B3GLCT: variants seen among roughly 807,000 people sequenced by gnomAD.
The protein encoded by B3GLCT is beta 3-glucosyltransferase.
Under a neutral mutation model 63.4 loss-of-function variants are expected in B3GLCT, and 65 were observed. The ratio of observed to expected loss-of-function variants is 1.03; its 90% CI spans 0.84 to 1.26. The LOEUF is 1.26. B3GLCT is among the 50% of genes most tolerant of loss of function. The pLI is 0.00. For synonymous variants in B3GLCT, 233 were observed against 219.2 expected, an observed-to-expected ratio of 1.06 and a Z score of -0.55; for missense variants, 577 against 604.8, an observed-to-expected ratio of 0.95 and a Z score of 0.48.
intron 12 of B3GLCT, among the ~76,000 whole-genome samples, chr13:31,293,344 C>G (rs1873771993): frequency 6.6e-6 from 1 of 152,074 alleles, no homozygotes; most frequent in Non-Finnish European, 1.5e-5. Flanking sequence ...GAGTTCAAGT[C>G]CTGAATATCC....
chr13:31,288,129 A>G (rs577211266), intron 12 of B3GLCT, among the ~76,000 whole-genome samples: 32 of 152,304 alleles, frequency 2.1e-4, no homozygotes, highest in African/African-American at 6.7e-4. Context: ...AAGAGTGTCA[A>G]TGAACCCCAG....
intron 6 of B3GLCT, among the ~76,000 whole-genome samples, chr13:31,259,842 AT>A (rs537104676): frequency 1.2e-3 from 178 of 150,336 alleles, no homozygotes; most frequent in African/African-American, 4.3e-3. Context: ...TTTTAATTTT[AT>A]TATTACTATA....
At chr13:31,238,118 C>T (rs1481895668) in intron 4 of B3GLCT, among the ~76,000 whole-genome samples, 3 of 152,166 alleles carry the variant, frequency 2.0e-5, no homozygotes, top group Admixed American at 2.0e-4. Flanking sequence ...AATTAAGGTG[C>T]AAAAATTTAA....
intron 3 of B3GLCT, among the ~76,000 whole-genome samples, chr13:31,226,554 A>T (rs935149258): frequency 1.3e-5 from 2 of 152,092 alleles, no homozygotes; most frequent in African/African-American, 4.8e-5. Context: ...GAGTGGCAGG[A>T]GTTGGTTACT....
intron 2 of B3GLCT, among the ~76,000 whole-genome samples, chr13:31,220,575 A>G (rs1869763968): frequency 6.6e-6 from 1 of 152,214 alleles, no homozygotes; most frequent in African/African-American, 2.4e-5. Flanking sequence ...ACAGAATTTT[A>G]ATTGTTCTGT....
At chr13:31,287,434 G>C (rs1236520121) in intron 12 of B3GLCT, among the ~76,000 whole-genome samples, 1 of 152,116 alleles carries the variant, frequency 6.6e-6, no homozygotes, top group Non-Finnish European at 1.5e-5. Flanking sequence ...GCCTCAATAG[G>C]GGGGATAGTT....
At chr13:31,245,546 A>G (rs1437257613) in intron 4 of B3GLCT, among the ~76,000 whole-genome samples, 1 of 152,122 alleles carries the variant, frequency 6.6e-6, no homozygotes, top group Non-Finnish European at 1.5e-5. Flanking sequence ...TTTTCTATTA[A>G]ACATAAAGAC....
chr13:31,277,657 T>G (rs1457585698), intron 10 of B3GLCT, among the ~76,000 whole-genome samples: 3 of 152,198 alleles, frequency 2.0e-5, no homozygotes, highest in Non-Finnish European at 4.4e-5. Context: ...TGTGATAATA[T>G]GATACATACA....
intron 1 of B3GLCT, among the ~76,000 whole-genome samples, chr13:31,209,989 G>A (rs1869174571): frequency 6.6e-6 from 1 of 152,190 alleles, no homozygotes. Context: ...ACAGGAACAG[G>A]GAAAGAGAGT....
chr13:31,302,380 G>A (rs1874267058), intron 12 of B3GLCT, among the ~76,000 whole-genome samples: 2 of 151,498 alleles, frequency 1.3e-5, no homozygotes, highest in African/African-American at 4.9e-5. Context: ...GAGCGACGCA[G>A]AAGACGGGTG....
intron 2 of B3GLCT, among the ~76,000 whole-genome samples, chr13:31,217,207 G>A (rs902876460): frequency 6.6e-6 from 1 of 152,102 alleles, no homozygotes; most frequent in Non-Finnish European, 1.5e-5. Context: ...GTGATGTTGA[G>A]CATTTTTTTC....
chr13:31,283,987 T>C (rs914148121), intron 10 of B3GLCT, among the ~76,000 whole-genome samples: 3 of 152,224 alleles, frequency 2.0e-5, no homozygotes, highest in Non-Finnish European at 2.9e-5. Context: ...GGTAAGTCTA[T>C]ATGTCAGGTA....
intron 10 of B3GLCT, among the ~76,000 whole-genome samples, chr13:31,279,871 C>T (rs866970779): frequency 9.2e-5 from 14 of 152,162 alleles, no homozygotes; most frequent in Admixed American, 4.6e-4. Flanking sequence ...CCCTTGGGAA[C>T]GCATTCTCTT....
intron 4 of B3GLCT, among the ~76,000 whole-genome samples, chr13:31,234,169 C>T (rs1030562037): frequency 3.9e-5 from 6 of 152,074 alleles, no homozygotes; most frequent in African/African-American, 1.4e-4. Flanking sequence ...AGGCACCCGC[C>T]ACCACACCTG....
rs1327370871 is a variant in B3GLCT, at chr13:31,200,044, T to A, written c.-41T>A. ...CAGCTCCGCTCCCCGCGCGTCTCCC[T>A]TCCCCGCGCCCAGGTAGGGCGCTCA... On this transcript the variant is annotated 5_prime_UTR_variant, in exon 1 of 15. Coordinates refer to ENST00000343307, the MANE Select transcript of B3GLCT (RefSeq NM_194318.4). 7.0e-6 allele frequency: 9 copies of A among 1,286,554 alleles called. No homozygotes were observed. The Admixed American group carries it at 1.2e-4, about 17-fold the overall frequency. 79.7% of individuals were successfully genotyped at this position (1,286,554 alleles called of 1,614,324 possible).
At chr13:31,248,141 C>T (rs1871276547) in intron 6 of B3GLCT, among the ~76,000 whole-genome samples, 175 bp downstream of exon 6, 1 of 152,064 alleles carries the variant, frequency 6.6e-6, no homozygotes, top group Admixed American at 6.5e-5. Context: ...AAGTTTGTAG[C>T]TTATAGAGGG....
chr13:31,281,049 G>A (rs1056816956), intron 10 of B3GLCT, among the ~76,000 whole-genome samples: 1 of 152,166 alleles, frequency 6.6e-6, no homozygotes, highest in Non-Finnish European at 1.5e-5. Context: ...GACCTGAGCT[G>A]TCAGAAAACC....
chr13:31,250,226 T>C (rs186658926), intron 6 of B3GLCT, among the ~76,000 whole-genome samples: 5 of 152,314 alleles, frequency 3.3e-5, no homozygotes, highest in Admixed American at 3.3e-4. Context: ...CAGGCCGGAG[T>C]GCAGTGGTGC....
Position 31,330,730 on chromosome 13 carries a change from G to A in B3GLCT, c.*1062G>A, listed in dbSNP as rs1875880433. 1 of 151,774 alleles carries A rather than the reference G, an allele frequency of 6.6e-6. No individual in the cohort carries two copies. Among genetic ancestry groups the A allele is most frequent in the South Asian group, 2.1e-4 (1 of 4,806 alleles). 9.4% of individuals were successfully genotyped at this position (151,774 alleles called of 1,614,324 possible). A position where few individuals can be genotyped will look rare whatever the true frequency, so the allele number is the denominator to read the frequency against. On this transcript the variant is annotated 3_prime_UTR_variant, in exon 15 of 15. Transcript: ENST00000343307. Reference sequence around the variant, plus strand: ...AATATATAGTAATGTAACATATTCAGTATTAATGTATAAAAAGCACTCTAA... The same window carrying A: ...AATATATAGTAATGTAACATATTCAATATTAATGTATAAAAAGCACTCTAA...
Sources: allele counts gnomAD v4.1 joint callset (sites outside exome capture counted in the v4.1 genomes callset), GRCh38; gene constraint gnomAD v4.1.1; transcripts MANE v1.5; gene names NCBI Gene and HGNC (gene_info 2026-07-23, HGNC 2026-07-21).